Variants in PPP3CA observed in about 807,000 individuals in gnomAD.
The protein encoded by PPP3CA is CAM-PRP catalytic subunit.
A neutral mutation model predicts 66.5 loss-of-function variants in PPP3CA; 14 were observed. The observed-to-expected ratio is 0.21, with a 90% CI of 0.14 to 0.33. The LOEUF is 0.33. PPP3CA is among the 10% of genes least tolerant of loss of function. The pLI is 1.00. For missense variants in PPP3CA, 317 were observed against 639.5 expected, an observed-to-expected ratio of 0.50 and a Z score of 5.44; for synonymous variants, 232 against 226.2, an observed-to-expected ratio of 1.03 and a Z score of -0.23.
At chr4:101,270,039 G>A (rs1195348296) in intron 1 of PPP3CA, among the ~76,000 whole-genome samples, 2 of 152,136 alleles carry the variant, frequency 1.3e-5, no homozygotes, top group African/African-American at 2.4e-5. Context: ...AGATGGTAAT[G>A]AAAAATACAT....
At chr4:101,099,953 T>C (rs1366919474) in intron 3 of PPP3CA, among the ~76,000 whole-genome samples, 2 of 151,864 alleles carry the variant, frequency 1.3e-5, no homozygotes, top group African/African-American at 2.4e-5. Context: ...GAGGATCATA[T>C]ACCACAAGAA....
At chr4:101,083,577 GT>G (rs1299196272) in intron 6 of PPP3CA, among the ~76,000 whole-genome samples, 2 of 152,178 alleles carry the variant, frequency 1.3e-5, no homozygotes, top group African/African-American at 4.8e-5. Context: ...TAAAGACAAA[GT>G]GAACGGAGCA....
chr4:101,206,607 A>G (rs977420364), intron 1 of PPP3CA, among the ~76,000 whole-genome samples: 3 of 152,262 alleles, frequency 2.0e-5, no homozygotes, highest in Non-Finnish European at 4.4e-5. Flanking sequence ...CCAATGAGTC[A>G]ATCAATGATC....
intron 1 of PPP3CA, among the ~76,000 whole-genome samples, chr4:101,271,578 C>G (rs1361881502): frequency 6.6e-6 from 1 of 152,054 alleles, no homozygotes; most frequent in East Asian, 1.9e-4. Context: ...ATCTTTTAAC[C>G]CATGGCTTAC....
At chr4:101,341,357 T>A (rs1391683153) in intron 1 of PPP3CA, among the ~76,000 whole-genome samples, 1 of 152,192 alleles carries the variant, frequency 6.6e-6, no homozygotes, top group Admixed American at 6.5e-5. Flanking sequence ...GCCTCTTTAA[T>A]AAAGAAAATA....
At chr4:101,038,374 C>CT (rs751990204) in intron 11 of PPP3CA, among the ~76,000 whole-genome samples, 10,267 of 142,890 alleles carry the variant, frequency 0.072, 377 homozygotes, top group Middle Eastern at 0.11. Context: ...CTTTTTTTTT[C>CT]TTTTTTTTTT....
intron 2 of PPP3CA, among the ~76,000 whole-genome samples, chr4:101,134,841 A>G (rs1020179069): frequency 6.6e-6 from 1 of 152,228 alleles, no homozygotes; most frequent in Non-Finnish European, 1.5e-5. Flanking sequence ...AATGTCCATC[A>G]ATGTTAGACT....
chr4:101,191,975 T>C (rs1268558864), intron 2 of PPP3CA, among the ~76,000 whole-genome samples: 1 of 152,166 alleles, frequency 6.6e-6, no homozygotes, highest in Non-Finnish European at 1.5e-5. Context: ...CTATCCCCTC[T>C]GCCCAGAGAG....
intron 6 of PPP3CA, among the ~76,000 whole-genome samples, chr4:101,083,517 A>G (rs185482977): frequency 6.6e-6 from 1 of 152,358 alleles, no homozygotes; most frequent in East Asian, 1.9e-4. Flanking sequence ...ATTATAAAAC[A>G]TTAGGAAAGT....
intron 3 of PPP3CA, among the ~76,000 whole-genome samples, chr4:101,100,869 G>A (rs989573652): frequency 6.6e-6 from 1 of 152,086 alleles, no homozygotes; most frequent in African/African-American, 2.4e-5. Context: ...GGGAAAAGCT[G>A]CTGACAATTT....
chr4:101,324,164 GGAAGGA>G (rs1560717886), intron 1 of PPP3CA, among the ~76,000 whole-genome samples: 13 of 101,758 alleles, frequency 1.3e-4, no homozygotes, highest in Admixed American at 5.7e-4. Flanking sequence ...GAGGAAGGAA[GGAAGGA>G]AGGAAGGAAG....
At chr4:101,033,287 C>A (rs1016982918) in intron 11 of PPP3CA, among the ~76,000 whole-genome samples, 4 of 71,726 alleles carry the variant, frequency 5.6e-5, no homozygotes, top group Non-Finnish European at 1.1e-4. Flanking sequence ...CACACACACA[C>A]ACACAAACAC....
rs546082741 is a variant in PPP3CA, at chr4:101,152,557, T to C, written c.259+43359A>G. Among the ~76,000 whole-genome samples, 19 of 152,342 alleles carry C rather than the reference T, an allele frequency of 1.2e-4. No homozygotes were observed. In the South Asian group the frequency reaches 3.7e-3, roughly 30 times the overall value. On this transcript the variant is annotated intron_variant, in intron 2 of 13. Transcript: ENST00000394854. ...AACAAAGTAAGAAAATTGGCAGTTG[T>C]AAGACCAGATTTTGGACAGAAAATA... is the stretch of plus-strand genomic sequence containing the variant.
At chr4:101,033,292 AAACACACACACACACAC>A (rs1560571205) in intron 11 of PPP3CA, among the ~76,000 whole-genome samples, 1,593 of 88,178 alleles carry the variant, frequency 0.018, 33 homozygotes, top group African/African-American at 0.063. Flanking sequence ...ACACACACAC[AAACACACACACACACAC>A]ACACACACAC....
rs111618324 is a variant in PPP3CA at position 101,054,388 on chromosome 4, T to C, written c.1156+6699A>G. ...GATTTTTAAATTAACCAAACCCATTTAGATTCTGTGACTATTTGAAAGTAA... is the reference window on the plus strand; with the variant it reads ...GATTTTTAAATTAACCAAACCCATTCAGATTCTGTGACTATTTGAAAGTAA... On this transcript the variant is annotated intron_variant, in intron 10 of 13. Coordinates refer to ENST00000394854, the MANE Select transcript of PPP3CA (RefSeq NM_000944.5). Among the ~76,000 whole-genome samples, 372 of 152,234 alleles carry C rather than the reference T, an allele frequency of 2.4e-3. 1 individual carries two copies. Among genetic ancestry groups the C allele is most frequent in the African/African-American group, 8.3e-3 (345 of 41,570 alleles).
intron 2 of PPP3CA, among the ~76,000 whole-genome samples, chr4:101,129,745 A>G (rs1218012999): frequency 6.6e-6 from 1 of 152,202 alleles, no homozygotes; most frequent in African/African-American, 2.4e-5. Flanking sequence ...TCTGAAGGTC[A>G]ACAGCATCAA....
chr4:101,081,904 C>T (rs1348030970), intron 7 of PPP3CA, among the ~76,000 whole-genome samples: 1 of 152,270 alleles, frequency 6.6e-6, no homozygotes, highest in Non-Finnish European at 1.5e-5. Flanking sequence ...ACTTTATAGA[C>T]AGAGGGTGAC....
intron 1 of PPP3CA, among the ~76,000 whole-genome samples, chr4:101,305,258 A>C (rs1176036225): frequency 6.6e-6 from 1 of 152,212 alleles, no homozygotes; most frequent in Non-Finnish European, 1.5e-5. Context: ...CTTTTTGCTC[A>C]TGTGAATTTT....
intron 1 of PPP3CA, among the ~76,000 whole-genome samples, chr4:101,216,741 AG>A (rs1342493517): frequency 6.6e-6 from 1 of 151,760 alleles, no homozygotes. Flanking sequence ...AGTAGAGATG[AG>A]GCTTCACAAT....
Sources: gnomAD v4.1 joint callset for allele counts (sites outside exome capture counted in the v4.1 genomes callset) on GRCh38, gnomAD v4.1.1 for gene constraint, MANE v1.5 for transcripts, NCBI Gene and HGNC (gene_info 2026-07-23, HGNC 2026-07-21) for gene names.